The following CNTNAP4 variants were observed in gnomAD, a reference collection of about 807,000 sequenced individuals.
The protein encoded by CNTNAP4 is contactin associated protein family member 4.
CNTNAP4 carries 98 observed loss-of-function variants against 148.4 expected under a neutral mutation model. That is an observed-to-expected ratio of 0.66 (90% CI 0.56 to 0.78). The LOEUF (loss-of-function observed/expected upper bound fraction) is 0.78. Among genes scored for constraint, CNTNAP4 ranks in the 30% least tolerant of loss-of-function variants. CNTNAP4 has a pLI of 0.00. For synonymous variants in CNTNAP4, 730 were observed against 565.1 expected, an observed-to-expected ratio of 1.29 and a Z score of -4.14; for missense variants, 1,935 against 1,565.6, an observed-to-expected ratio of 1.24 and a Z score of -3.98.
intron 7 of CNTNAP4, among the ~76,000 whole-genome samples, chr16:76,451,598 G>GGT (rs2080473394): frequency 4.6e-5 from 2 of 43,712 alleles, no homozygotes; most frequent in Non-Finnish European, 8.1e-5. Flanking sequence ...ATTTTAGATA[G>GGT]ATGTGTGTGT....
Position 76,366,177 on chromosome 16 carries a change from G to A in CNTNAP4, c.390+10666G>A, listed in dbSNP as rs143861961. On this transcript the variant is annotated intron_variant, in intron 3 of 23. Coordinates refer to ENST00000611870, the MANE Select transcript of CNTNAP4 (RefSeq NM_033401.5). ...TAAACTTTTAGGTTCAGGGATACAT[G>A]TGCAGGTTTGTTGTATAGTTAAACT... Among the ~76,000 whole-genome samples, 1,393 of 152,172 alleles carry A rather than the reference G, an allele frequency of 9.2e-3. 31 individuals carry two copies. The highest frequency in any genetic ancestry group is 0.032 in the African/African-American group (1,326 of 41,512).
chr16:76,472,093 G>A (rs1506842), intron 10 of CNTNAP4, among the ~76,000 whole-genome samples: 55,310 of 151,844 alleles, frequency 0.36, 11,737 homozygotes, highest in Middle Eastern at 0.48. Context: ...GGAAAGGATG[G>A]CAATGTCCAA....
At chr16:76,467,315 A>G (rs1229678077) in intron 9 of CNTNAP4, 37 bp from the exon 10 acceptor site, 2 of 1,586,112 alleles carry the variant, frequency 1.3e-6, no homozygotes, top group South Asian at 1.1e-5. Context: ...ATTCTGATTC[A>G]TTGTGATGCG....
At chr16:76,326,756 A>G (rs896878425) in intron 2 of CNTNAP4, among the ~76,000 whole-genome samples, 1 of 148,630 alleles carries the variant, frequency 6.7e-6, no homozygotes, top group Admixed American at 6.8e-5. Flanking sequence ...CAATGAGAAC[A>G]CTTGGACACA....
intron 3 of CNTNAP4, among the ~76,000 whole-genome samples, chr16:76,396,885 T>G (rs2078222246): frequency 6.6e-6 from 1 of 152,156 alleles, no homozygotes; most frequent in Non-Finnish European, 1.5e-5. Context: ...GAACTAAAGC[T>G]ATTTATCACA....
At chr16:76,385,356 T>A (rs1455603418) in intron 3 of CNTNAP4, among the ~76,000 whole-genome samples, 3 of 152,194 alleles carry the variant, frequency 2.0e-5, no homozygotes, top group Admixed American at 2.0e-4. Flanking sequence ...AGATTGTTTT[T>A]AAGATAGGAT....
chr16:76,348,638 A>G (rs1247298500), intron 2 of CNTNAP4, among the ~76,000 whole-genome samples: 2 of 152,194 alleles, frequency 1.3e-5, no homozygotes, highest in African/African-American at 4.8e-5. Flanking sequence ...AATGATCACT[A>G]GTATCAAACG....
chr16:76,286,240 T>C (rs1958880720), intron 1 of CNTNAP4, among the ~76,000 whole-genome samples: 1 of 148,606 alleles, frequency 6.7e-6, no homozygotes, highest in African/African-American at 2.5e-5. Flanking sequence ...TGGGTGGGAA[T>C]TGGAAAACAG....
chr16:76,485,187 G>A (rs767145311), intron 12 of CNTNAP4, among the ~76,000 whole-genome samples: 1 of 152,002 alleles, frequency 6.6e-6, no homozygotes, highest in Non-Finnish European at 1.5e-5. Context: ...GCACGATCTC[G>A]GCTGGTCTAA....
intron 15 of CNTNAP4, among the ~76,000 whole-genome samples, chr16:76,501,734 T>C (rs1268838195): frequency 6.6e-6 from 1 of 152,014 alleles, no homozygotes; most frequent in Non-Finnish European, 1.5e-5. Flanking sequence ...AGCTTTGAAC[T>C]ACTGTGACCA....
At chr16:76,454,726 G>A (rs12444499) in intron 8 of CNTNAP4, among the ~76,000 whole-genome samples, 54,335 of 152,004 alleles carry the variant, frequency 0.36, 10,969 homozygotes, top group Middle Eastern at 0.47. Context: ...TTCCATTTAT[G>A]TTTTATGTAT....
At chr16:76,302,401 T>C (rs571900966) in intron 1 of CNTNAP4, among the ~76,000 whole-genome samples, 54 of 152,146 alleles carry the variant, frequency 3.5e-4, no homozygotes, top group Non-Finnish European at 5.6e-4. Flanking sequence ...CCTCCGTTTA[T>C]GGGCTTGCTG....
At chr16:76,435,436 G>A (rs751958491) in intron 4 of CNTNAP4, among the ~76,000 whole-genome samples, 1 of 152,080 alleles carries the variant, frequency 6.6e-6, no homozygotes, top group Non-Finnish European at 1.5e-5. Flanking sequence ...ATGTTTGAGT[G>A]CCACCACTTG....
At position 76,521,973 on chromosome 16, in the gene CNTNAP4, A is replaced by G. The variant is rs911488005; in HGVS notation, c.2537-66A>G. ...GTTACGCTGTAGTGTGTTCCTAAGT[A>G]TATTGGAGACTCGGCACTTCGCCAT... On this transcript the variant is annotated intron_variant, in intron 16 of 23. Transcript: ENST00000611870. 4 of 1,370,916 alleles carry G rather than the reference A, an allele frequency of 2.9e-6. No homozygotes were observed. The Admixed American group carries it at 5.0e-5, about 17-fold the overall frequency. The allele number at this position is 1,370,916 out of a possible 1,614,324, so 84.9% of individuals were successfully genotyped here.
intron 12 of CNTNAP4, among the ~76,000 whole-genome samples, chr16:76,487,008 G>C (rs1314918087): frequency 6.6e-6 from 1 of 152,190 alleles, no homozygotes; most frequent in South Asian, 2.1e-4. Flanking sequence ...TAGGTAGGTA[G>C]TAGATAGATC....
intron 1 of CNTNAP4, among the ~76,000 whole-genome samples, chr16:76,307,553 A>C (rs1177832955): frequency 7.3e-6 from 1 of 137,044 alleles, no homozygotes; most frequent in African/African-American, 2.8e-5. Flanking sequence ...AAACTCCAGA[A>C]ATGCTTACCC....
intron 11 of CNTNAP4, 66 bp downstream of exon 11, chr16:76,476,111 T>C: frequency 9.3e-7 from 1 of 1,071,710 alleles, no homozygotes; most frequent in South Asian, 1.3e-5. Flanking sequence ...TCCCTTTTCA[T>C]TGCTGTGTGT....
At chr16:76,451,034 C>T (rs1351739952) in intron 7 of CNTNAP4, among the ~76,000 whole-genome samples, 3 of 152,154 alleles carry the variant, frequency 2.0e-5, no homozygotes, top group East Asian at 1.9e-4. Flanking sequence ...TGTGGGTAGC[C>T]ACCACCCCTG....
chr16:76,443,599 A>G (rs1218883908), intron 4 of CNTNAP4, among the ~76,000 whole-genome samples: 1 of 147,628 alleles, frequency 6.8e-6, no homozygotes, highest in African/African-American at 2.7e-5. Flanking sequence ...CAAAAAAAAT[A>G]TTTTCCCAAA....
Sources: allele counts gnomAD v4.1 joint callset (sites outside exome capture counted in the v4.1 genomes callset), GRCh38; gene constraint gnomAD v4.1.1; transcripts MANE v1.5; gene names NCBI Gene and HGNC (gene_info 2026-07-23, HGNC 2026-07-21).